The following CHD1 variants were observed in gnomAD, a reference collection of about 807,000 sequenced individuals.
CHD1 encodes the protein chromodomain helicase DNA binding protein 1.
A neutral mutation model predicts 224.2 loss-of-function variants in CHD1; 36 were observed. That is an observed-to-expected ratio of 0.16 (90% confidence interval 0.12 to 0.21). The LOEUF (loss-of-function observed/expected upper bound fraction) is 0.21, where lower values mean the gene tolerates loss of function less well. Ranked by LOEUF, CHD1 falls within the 10% of genes least tolerant of loss-of-function variation. The pLI, the probability that CHD1 is intolerant of heterozygous loss-of-function variation, is 1.00. For missense variants in CHD1, 1,378 were observed against 1,994.8 expected (o/e 0.69, Z 5.89); for synonymous variants, 668 against 658.3 (o/e 1.01, Z -0.23).
chr5:98,903,037 ATAC>A (rs1366290009), intron 4 of CHD1, 73 bp from the exon 5 acceptor site: 59 of 863,418 alleles, frequency 6.8e-5, no homozygotes, highest in Non-Finnish European at 9.1e-6. Context: ...TTTATTTGCT[ATAC>A]TATTTAACAT....
At chr5:98,916,376 T>G (rs1465286952) in intron 2 of CHD1, among the ~76,000 whole-genome samples, 1 of 150,906 alleles carries the variant, frequency 6.6e-6, no homozygotes, top group East Asian at 2.0e-4. Context: ...AGAAATCCTG[T>G]TTCTACTAAA....
At chr5:98,911,146 A>AAAAAAAATATATATATATAT (rs1491111295) in intron 2 of CHD1, among the ~76,000 whole-genome samples, 2 of 39,124 alleles carry the variant, frequency 5.1e-5, no homozygotes, top group African/African-American at 1.2e-4. Flanking sequence ...AAAAAAAAAA[A>AAAAAAAATATATATATATAT]ATATATATAT....
intron 29 of CHD1, among the ~76,000 whole-genome samples, chr5:98,870,454 GAAAA>G (rs938627721): frequency 4.1e-5 from 6 of 145,480 alleles, no homozygotes; most frequent in Non-Finnish European, 9.1e-5. Context: ...TCTAAAACTA[GAAAA>G]AAAAAACAGA....
At chr5:98,868,969 G>C (rs1232970038) in intron 30 of CHD1, 24 of 787,360 alleles carry the variant, frequency 3.0e-5, no homozygotes, top group Non-Finnish European at 3.7e-5. Flanking sequence ...ATGTAAATAT[G>C]CTGATTGTTT....
Position 98,863,401 on chromosome 5 carries a change from C to A in CHD1, c.4427+7G>T. 1 of 1,481,312 alleles carries A rather than the reference C, an allele frequency of 6.8e-7. No homozygotes were observed. The highest frequency in any genetic ancestry group is 9.1e-7 in the Non-Finnish European group (1 of 1,103,940). The allele number at this position is 1,481,312 out of a possible 1,614,324, so 91.8% of individuals were successfully genotyped here. Reference sequence around the variant, plus strand: ...ATTTAACACTTCCTGAAAAGTGTATCACTTACTTTCTCCATTGCTTAATTT... The same window carrying A: ...ATTTAACACTTCCTGAAAAGTGTATAACTTACTTTCTCCATTGCTTAATTT... On this transcript the variant is annotated splice_region_variant and intron_variant, in intron 32 of 35. Transcript: ENST00000614616.
chr5:98,894,585 A>G lies in CHD1; in HGVS notation c.1800+12T>C. The G allele has an allele frequency of 6.4e-6, 7 of 1,100,080 alleles. No homozygotes were observed. Among genetic ancestry groups the G allele is most frequent in the Non-Finnish European group, 9.2e-6 (7 of 762,690 alleles). 68.1% of individuals were successfully genotyped at this position (1,100,080 alleles called of 1,614,324 possible). On this transcript the variant is annotated intron_variant, in intron 13 of 35. Coordinates refer to ENST00000614616, the MANE Select transcript of CHD1 (RefSeq NM_001270.4). ...TACAAGAGACCAAAACACGTGAGAA[A>G]TAAATACATACCTTATCTTTTAATA...
intron 13 of CHD1, 59 bp from the exon 14 acceptor site, chr5:98,893,665 C>G: frequency 9.7e-7 from 1 of 1,032,308 alleles, no homozygotes. Flanking sequence ...TTTAGCCTTC[C>G]CATTTAATCT....
chr5:98,867,814 T>A (rs1482542109), intron 31 of CHD1, among the ~76,000 whole-genome samples: 1 of 148,820 alleles, frequency 6.7e-6, no homozygotes, highest in Non-Finnish European at 1.5e-5. Context: ...TTTTTTTTTT[T>A]TTTTGAGATA....
chr5:98,912,793 TAGAC>T (rs1242078639), intron 2 of CHD1, among the ~76,000 whole-genome samples: 3 of 152,240 alleles, frequency 2.0e-5, no homozygotes, highest in Admixed American at 6.5e-5. Flanking sequence ...ATACGTAAAT[TAGAC>T]AGCTTATACC....
chr5:98,909,081 T>C (rs1043190657), intron 2 of CHD1, among the ~76,000 whole-genome samples: 5 of 152,152 alleles, frequency 3.3e-5, no homozygotes, highest in Admixed American at 1.3e-4. Context: ...AGAAACTATT[T>C]GTAAACATTT....
At chr5:98,910,890 AT>A (rs1207250909) in intron 2 of CHD1, among the ~76,000 whole-genome samples, 7 of 151,934 alleles carry the variant, frequency 4.6e-5, no homozygotes, top group Middle Eastern at 3.4e-3. Flanking sequence ...ACAAAAAAAA[AT>A]GGCCCTCTGC....
chr5:98,905,862 T>C (rs1055597824), intron 2 of CHD1, among the ~76,000 whole-genome samples: 1 of 152,190 alleles, frequency 6.6e-6, no homozygotes, highest in South Asian at 2.1e-4. Flanking sequence ...GACTAAACAG[T>C]TGATTATATA....
rs1747911394 is a variant in CHD1 at position 98,854,948 on chromosome 5, T to C, written c.*1432A>G. On this transcript the variant is annotated 3_prime_UTR_variant, in exon 36 of 36. Transcript: ENST00000614616. ...AAAATCTGTGAATAAATATAAAGCA[T>C]CCCATAATAATATCTGTAGGAAGCC... The C allele has an allele frequency of 6.6e-6, 1 of 152,110 alleles. No homozygotes were observed. Among genetic ancestry groups the C allele is most frequent in the Non-Finnish European group, 1.5e-5 (1 of 68,000 alleles). The allele number at this position is 152,110 out of a possible 1,614,324, so 9.4% of individuals were successfully genotyped here.
intron 2 of CHD1, among the ~76,000 whole-genome samples, chr5:98,924,968 ACT>A (rs1299958115): frequency 2.0e-5 from 3 of 150,006 alleles, no homozygotes; most frequent in African/African-American, 7.4e-5. Flanking sequence ...ACAGAGCAAG[ACT>A]CTGTCTCAAA....
At position 98,855,395 on chromosome 5, in the gene CHD1, T is replaced by C. The variant is rs1447088216; in HGVS notation, c.*985A>G. 6.6e-6 allele frequency: 1 copy of C among 152,600 alleles called. No individual in the cohort carries two copies. The highest frequency in any genetic ancestry group is 1.5e-5 in the Non-Finnish European group (1 of 68,004). The allele number at this position is 152,600 out of a possible 1,614,324, so 9.5% of individuals were successfully genotyped here. A position where few individuals can be genotyped will look rare whatever the true frequency, so the allele number is the denominator to read the frequency against. On this transcript the variant is annotated 3_prime_UTR_variant, in exon 36 of 36. Transcript: ENST00000614616. The stretch of plus-strand genomic sequence containing the variant: ...ACAATAACTTTTGGCCGTTTTGGAT[T>C]CTGAAAAGTGTTTATACACCTACCC...
intron 15 of CHD1, 57 bp from the exon 16 acceptor site, chr5:98,889,295 C>T (rs962780361): frequency 1.5e-6 from 2 of 1,301,802 alleles, no homozygotes; most frequent in African/African-American, 3.0e-5. Context: ...AGGATAAATT[C>T]TAAAAGCATT....
At chr5:98,899,426 G>A (rs1751549108) in intron 8 of CHD1, 54 bp downstream of exon 8, 2 of 1,094,324 alleles carry the variant, frequency 1.8e-6, no homozygotes, top group Non-Finnish European at 2.7e-6. Context: ...TTAACATAAA[G>A]GTTTAGTAAT....
At chr5:98,912,890 T>A (rs1561541816) in intron 2 of CHD1, among the ~76,000 whole-genome samples, 1 of 152,190 alleles carries the variant, frequency 6.6e-6, no homozygotes, top group Non-Finnish European at 1.5e-5. Context: ...AAGATTTTCT[T>A]TCTTGTACAT....
Position 98,876,482 on chromosome 5 carries a change from T to C in CHD1, c.3314A>G (p.Glu1105Gly), listed in dbSNP as rs1443926670. ...YSGSDSDSIS[E>G]GKRPKKRGRP... ...TCCACGTTTCTTTGGCCTTTTCCCT[T>C]CTGAGATGGAATCACTATCAGATCC... Residue 1105 changes from glutamate (E) to glycine (G), a missense_variant, in exon 24 of 36, where the codon GAA becomes GGA. By Grantham distance (98) the Glu-to-Gly change is moderately conservative. Transcript: ENST00000614616. 6 of 1,614,074 alleles carry C rather than the reference T, an allele frequency of 3.7e-6. No homozygotes were observed. The Admixed American group carries it at 1.0e-4, about 27-fold the overall frequency.
Sources: gnomAD v4.1 joint callset for allele counts (sites outside exome capture counted in the v4.1 genomes callset) on GRCh38, gnomAD v4.1.1 for gene constraint, MANE v1.5 for transcripts, NCBI Gene and HGNC (gene_info 2026-07-23, HGNC 2026-07-21) for gene names.